DOCK2: variants seen among roughly 807,000 people sequenced by gnomAD.
DOCK2 encodes the protein dedicator of cytokinesis protein 2.
A neutral mutation model predicts 248.9 loss-of-function variants in DOCK2; 87 were observed. The observed-to-expected ratio is 0.35, with a 90% CI of 0.29 to 0.42. DOCK2 has a LOEUF of 0.42. Ranked by LOEUF, DOCK2 falls within the 10% of genes least tolerant of loss-of-function variation. DOCK2 has a pLI of 1.00. For synonymous variants in DOCK2, 805 were observed against 821.6 expected (o/e 0.98, Z 0.35); for missense variants, 1,747 against 2,300.2 (o/e 0.76, Z 4.92).
At chr5:169,695,964 A>G (rs759079362) in intron 10 of DOCK2, 26 bp downstream of exon 10, 7 of 1,556,240 alleles carry the variant, frequency 4.5e-6, no homozygotes, top group Non-Finnish European at 6.1e-6. Flanking sequence ...TGCATCATTG[A>G]TTTTTATGGG....
At chr5:169,736,403 G>A (rs1030043671) in intron 22 of DOCK2, among the ~76,000 whole-genome samples, 5 of 152,104 alleles carry the variant, frequency 3.3e-5, no homozygotes, top group African/African-American at 1.2e-4. Context: ...TTCCTCCTCT[G>A]ATATGTTTTA....
chr5:169,690,651 A>G (rs1375049520), intron 9 of DOCK2, among the ~76,000 whole-genome samples: 2 of 152,194 alleles, frequency 1.3e-5, no homozygotes, highest in Non-Finnish European at 2.9e-5. Context: ...TAAATAGGAG[A>G]GTCCCACAGG....
intron 27 of DOCK2, among the ~76,000 whole-genome samples, chr5:169,888,326 C>A (rs970857195): frequency 6.6e-6 from 1 of 152,164 alleles, no homozygotes; most frequent in African/African-American, 2.4e-5. Flanking sequence ...AAATTAATAT[C>A]CTGGCCCAGG....
At chr5:169,807,833 C>CAAAAAAA (rs61670398) in intron 26 of DOCK2, among the ~76,000 whole-genome samples, 1,051 of 24,226 alleles carry the variant, frequency 0.043, 129 homozygotes, top group Middle Eastern at 0.077. Context: ...GACTCTGTCT[C>CAAAAAAA]AAAAAAAAAA....
intron 14 of DOCK2, among the ~76,000 whole-genome samples, chr5:169,702,901 G>A (rs977991785): frequency 1.3e-5 from 2 of 152,184 alleles, no homozygotes; most frequent in South Asian, 2.1e-4. Flanking sequence ...ACTCCCCAGC[G>A]CTCAGCCAGA....
intron 26 of DOCK2, among the ~76,000 whole-genome samples, chr5:169,821,138 T>A (rs1269885157): frequency 1.3e-5 from 2 of 152,116 alleles, no homozygotes; most frequent in Non-Finnish European, 2.9e-5. Flanking sequence ...CAAATCTACG[T>A]CTGATTGGTG....
intron 14 of DOCK2, among the ~76,000 whole-genome samples, chr5:169,706,861 CGA>C (rs1339054368): frequency 6.6e-6 from 1 of 152,176 alleles, no homozygotes; most frequent in Non-Finnish European, 1.5e-5. Context: ...GTGTGAAGGG[CGA>C]GTCTTCCTTT....
intron 8 of DOCK2, among the ~76,000 whole-genome samples, chr5:169,689,051 T>A (rs1760145152): frequency 6.6e-6 from 1 of 152,082 alleles, no homozygotes; most frequent in African/African-American, 2.4e-5. Flanking sequence ...AGGTTAATAG[T>A]TCTTTGCTCT....
At chr5:169,833,995 C>T (rs1398009046) in intron 26 of DOCK2, among the ~76,000 whole-genome samples, 1 of 151,134 alleles carries the variant, frequency 6.6e-6, no homozygotes, top group Non-Finnish European at 1.5e-5. Context: ...CCAGGTCACC[C>T]TGCAGTAAGC....
At chr5:169,952,661 C>A (rs940052408) in intron 27 of DOCK2, among the ~76,000 whole-genome samples, 6 of 152,102 alleles carry the variant, frequency 3.9e-5, no homozygotes, top group African/African-American at 1.4e-4. Context: ...TGCACAGCAC[C>A]CCACCTGCTT....
At chr5:170,013,386 G>A (rs894190900) in intron 32 of DOCK2, among the ~76,000 whole-genome samples, 1 of 151,960 alleles carries the variant, frequency 6.6e-6, no homozygotes, top group African/African-American at 2.4e-5. Flanking sequence ...AGACTTTAAG[G>A]TGTGATAAAG....
rs562559899 is a variant in DOCK2 at position 169,762,505 on chromosome 5, T to C, written c.2554+880T>C. 3.5e-4 allele frequency among the ~76,000 whole-genome samples: 53 copies of C among 152,314 alleles called. 2 individuals carry two copies. In the South Asian group the frequency reaches 0.01, roughly 30 times the overall value. ...CTATTTTCAAGGTCAGTCAACTGGA[T>C]GTCGATAGCTCCATCAGATTTGATC... On this transcript the variant is annotated intron_variant, in intron 25 of 51. Transcript: ENST00000520908.
chr5:169,707,035 C>T (rs1761307128), intron 14 of DOCK2, among the ~76,000 whole-genome samples: 2 of 152,184 alleles, frequency 1.3e-5, no homozygotes, highest in Admixed American at 6.5e-5. Flanking sequence ...ACACAGTTTG[C>T]AATTTCAGGG....
chr5:169,876,809 G>C (rs1382135367), intron 27 of DOCK2, among the ~76,000 whole-genome samples: 1 of 152,160 alleles, frequency 6.6e-6, no homozygotes, highest in Non-Finnish European at 1.5e-5. Context: ...CTTTACTTCT[G>C]GACAATTTAA....
At chr5:169,759,889 A>C (rs1194282774) in intron 24 of DOCK2, 114 bp downstream of exon 24, 11 of 1,131,786 alleles carry the variant, frequency 9.7e-6, no homozygotes, top group Non-Finnish European at 1.0e-5. Flanking sequence ...GATGGGGAAG[A>C]CCTGTGGCAG....
At chr5:170,076,610 C>A (rs930450518) in intron 47 of DOCK2, among the ~76,000 whole-genome samples, 2 of 152,224 alleles carry the variant, frequency 1.3e-5, no homozygotes, top group African/African-American at 4.8e-5. Context: ...GAGCCTGGTG[C>A]TTACGGGGTG....
chr5:169,791,271 G>T (rs992229763), intron 25 of DOCK2, among the ~76,000 whole-genome samples: 2 of 152,212 alleles, frequency 1.3e-5, no homozygotes, highest in Admixed American at 6.5e-5. Context: ...GGTAGCGAAT[G>T]GCTTGAAGTC....
At chr5:169,928,422 G>C (rs186759369) in intron 27 of DOCK2, among the ~76,000 whole-genome samples, 1 of 152,214 alleles carries the variant, frequency 6.6e-6, no homozygotes, top group African/African-American at 2.4e-5. Flanking sequence ...CTGTTTTCAC[G>C]TAGTCAGGCA....
intron 22 of DOCK2, 151 bp from the exon 23 acceptor site, chr5:169,747,245 G>T (rs774621689): frequency 3.3e-6 from 2 of 615,362 alleles, no homozygotes; most frequent in Non-Finnish European, 5.5e-6. Flanking sequence ...AGAGAATGAT[G>T]CACGCAGCAT....
Sources: allele counts gnomAD v4.1 joint callset (sites outside exome capture counted in the v4.1 genomes callset), GRCh38; gene constraint gnomAD v4.1.1; transcripts MANE v1.5; gene names NCBI Gene and HGNC (gene_info 2026-07-23, HGNC 2026-07-21).